The following FGF14 variants were observed in gnomAD, a reference collection of about 807,000 sequenced individuals.
FGF14 encodes the protein fibroblast growth factor homologous factor 4.
In FGF14, 5 loss-of-function variants were observed where a neutral mutation model predicts 25.5. The observed-to-expected ratio is 0.20, with a 90% confidence interval of 0.10 to 0.41. The LOEUF (loss-of-function observed/expected upper bound fraction) is 0.41, where lower values mean the gene tolerates loss of function less well. FGF14 is among the 10% of genes least tolerant of loss of function. The pLI is 1.00. For synonymous variants in FGF14, 138 were observed against 118.3 expected, an observed-to-expected ratio of 1.17 and a Z score of -1.08; for missense variants, 222 against 320.1, an observed-to-expected ratio of 0.69 and a Z score of 2.34.
intron 1 of FGF14, among the ~76,000 whole-genome samples, chr13:102,205,984 TAAAAAAAAAAAAAAAAAAAAAA>T (rs36108366): frequency 1.9e-3 from 91 of 47,452 alleles, no homozygotes; most frequent in Non-Finnish European, 3.2e-3. Context: ...CTCCCTGTGG[TAAAAAAAAAAAAAAAAAAAAAA>T]AAAAAAAAAA....
chr13:102,128,455 A>G (rs1566721793), intron 1 of FGF14, among the ~76,000 whole-genome samples: 3 of 152,320 alleles, frequency 2.0e-5, no homozygotes, highest in South Asian at 2.1e-4. Flanking sequence ...TTGATTCTGT[A>G]ATTCCCATTT....
chr13:102,031,485 A>G (rs1482170120), intron 1 of FGF14, among the ~76,000 whole-genome samples: 2 of 152,072 alleles, frequency 1.3e-5, no homozygotes, highest in East Asian at 3.9e-4. Flanking sequence ...TTTTTCACTA[A>G]AAGTTCTTCC....
At chr13:102,155,018 C>T (rs905569090) in intron 1 of FGF14, among the ~76,000 whole-genome samples, 3 of 152,098 alleles carry the variant, frequency 2.0e-5, no homozygotes, top group African/African-American at 7.2e-5. Flanking sequence ...TAAAGCCAGT[C>T]CTTAGAGACC....
At chr13:102,394,064 C>T (rs1488465128) in intron 1 of FGF14, among the ~76,000 whole-genome samples, 2 of 152,204 alleles carry the variant, frequency 1.3e-5, no homozygotes, top group African/African-American at 4.8e-5. Flanking sequence ...CTTGTAGTAG[C>T]CGAGGGGACT....
At chr13:102,182,782 T>C (rs980938464) in intron 1 of FGF14, among the ~76,000 whole-genome samples, 3 of 152,202 alleles carry the variant, frequency 2.0e-5, no homozygotes, top group East Asian at 1.9e-4. Flanking sequence ...CAATGGTTTA[T>C]TGAAGTTCAG....
chr13:101,910,202 C>T (rs1179715767), intron 1 of FGF14, among the ~76,000 whole-genome samples: 2 of 151,918 alleles, frequency 1.3e-5, no homozygotes, highest in Non-Finnish European at 2.9e-5. Context: ...ATGTAACAAA[C>T]CTGCGCTTTG....
chr13:101,923,794 A>T (rs528942255), intron 1 of FGF14, among the ~76,000 whole-genome samples: 1 of 152,108 alleles, frequency 6.6e-6, no homozygotes, highest in Admixed American at 6.5e-5. Context: ...TTGTTGCTTA[A>T]TGTTTTGATT....
At chr13:102,324,685 T>C (rs1352045217) in intron 1 of FGF14, among the ~76,000 whole-genome samples, 1 of 152,110 alleles carries the variant, frequency 6.6e-6, no homozygotes, top group African/African-American at 2.4e-5. Flanking sequence ...CCCACAACAA[T>C]AGGGTAACTG....
intron 1 of FGF14, among the ~76,000 whole-genome samples, chr13:101,883,285 T>C (rs1349297178): frequency 6.6e-6 from 1 of 152,212 alleles, no homozygotes; most frequent in Admixed American, 6.5e-5. Flanking sequence ...AGGCAGTTCA[T>C]AACATCACCC....
At chr13:102,216,833 A>G (rs538954093) in intron 1 of FGF14, among the ~76,000 whole-genome samples, 1 of 152,272 alleles carries the variant, frequency 6.6e-6, no homozygotes, top group African/African-American at 2.4e-5. Flanking sequence ...CCTAGCCTCT[A>G]GCAATCACAA....
intron 1 of FGF14, among the ~76,000 whole-genome samples, chr13:102,117,691 C>T (rs919241771): frequency 2.6e-5 from 4 of 151,954 alleles, no homozygotes; most frequent in South Asian, 4.2e-4. Flanking sequence ...ACAAAGAGAG[C>T]GGTGTTGGAA....
At chr13:102,105,932 A>G (rs1211517637) in intron 1 of FGF14, among the ~76,000 whole-genome samples, 1 of 152,194 alleles carries the variant, frequency 6.6e-6, no homozygotes, top group Non-Finnish European at 1.5e-5. Context: ...AACATATTGC[A>G]ATCAATATTT....
rs958804562 is a variant in FGF14, at chr13:101,971,152, G to GT, written c.209-95857dup. Among the ~76,000 whole-genome samples, 6 of 152,148 alleles carry GT rather than the reference G, an allele frequency of 3.9e-5. No individual in the cohort carries two copies. In the South Asian group the frequency reaches 1.0e-3, roughly 26 times the overall value. ...AAAATAACAAAATATAGATTTTATA[G>GT]TTTTTTTGCAGTGATGTTTCCAGTT... On this transcript the variant is annotated intron_variant, in intron 1 of 4. Transcript: ENST00000376131.
At chr13:102,136,901 T>A (rs575252989) in intron 1 of FGF14, among the ~76,000 whole-genome samples, 145 of 152,222 alleles carry the variant, frequency 9.5e-4, no homozygotes, top group Non-Finnish European at 1.8e-3. Flanking sequence ...ACTTGGCTAA[T>A]GGACCAGTCA....
At chr13:101,996,064 A>G (rs933384552) in intron 1 of FGF14, among the ~76,000 whole-genome samples, 2 of 152,214 alleles carry the variant, frequency 1.3e-5, no homozygotes, top group African/African-American at 4.8e-5. Context: ...CCCATTCTCC[A>G]TGATATGTTT....
chr13:102,158,636 A>G (rs186277641), intron 1 of FGF14, among the ~76,000 whole-genome samples: 3 of 152,000 alleles, frequency 2.0e-5, no homozygotes, highest in Non-Finnish European at 4.4e-5. Context: ...AGACCTGCAC[A>G]TTGTGCACAT....
intron 1 of FGF14, among the ~76,000 whole-genome samples, chr13:102,092,294 G>A (rs530416141): frequency 1.9e-4 from 29 of 152,200 alleles, no homozygotes; most frequent in Non-Finnish European, 3.7e-4. Flanking sequence ...TCATTGTTCA[G>A]GACAGTCTTA....
At chr13:101,743,699 G>T (rs2036703157) in intron 3 of FGF14, among the ~76,000 whole-genome samples, 1 of 152,044 alleles carries the variant, frequency 6.6e-6, no homozygotes, top group African/African-American at 2.4e-5. Flanking sequence ...CTATATTTAA[G>T]TTTGATGTTC....
At chr13:101,958,883 T>C (rs2036667847) in intron 1 of FGF14, among the ~76,000 whole-genome samples, 1 of 152,188 alleles carries the variant, frequency 6.6e-6, no homozygotes, top group South Asian at 2.1e-4. Context: ...AAGCAATTGC[T>C]ATGGCTTTAT....
Sources: gnomAD v4.1 joint callset for allele counts (sites outside exome capture counted in the v4.1 genomes callset) on GRCh38, gnomAD v4.1.1 for gene constraint, MANE v1.5 for transcripts, NCBI Gene and HGNC (gene_info 2026-07-23, HGNC 2026-07-21) for gene names.